The following ADGRF4 variants were observed in gnomAD, a reference collection of about 807,000 sequenced individuals.
The protein encoded by ADGRF4 is adhesion G protein-coupled receptor F4.
Under a neutral mutation model 58.5 loss-of-function variants are expected in ADGRF4, and 63 were observed. The observed-to-expected ratio is 1.08, with a 90% CI of 0.88 to 1.33. The LOEUF is 1.33. ADGRF4 is among the 40% of genes most tolerant of loss of function. The probability of loss-of-function intolerance (pLI) is 0.00; values close to 1 mark genes in which losing one functional copy is unlikely to be tolerated. For missense variants in ADGRF4, 931 were observed against 843.9 expected (o/e 1.10, Z -1.28); for synonymous variants, 313 against 295.4 (o/e 1.06, Z -0.61).
intron 9 of ADGRF4, among the ~76,000 whole-genome samples, chr6:47,720,091 T>C (rs887990154): frequency 1.3e-5 from 2 of 152,188 alleles, no homozygotes; most frequent in Non-Finnish European, 2.9e-5. Context: ...GCTGGCATCA[T>C]GGTAGACCAT....
intron 3 of ADGRF4, among the ~76,000 whole-genome samples, chr6:47,709,076 A>G (rs1771796266): frequency 6.6e-6 from 1 of 152,232 alleles, no homozygotes; most frequent in African/African-American, 2.4e-5. Context: ...AATTTTGCAA[A>G]CAAGGTTTGG....
At chr6:47,709,193 C>A (rs535006219) in intron 3 of ADGRF4, among the ~76,000 whole-genome samples, 2 of 151,770 alleles carry the variant, frequency 1.3e-5, no homozygotes, top group African/African-American at 4.9e-5. Flanking sequence ...TTTGAACACC[C>A]TAATAGCTCT....
intron 5 of ADGRF4, among the ~76,000 whole-genome samples, chr6:47,712,987 G>C (rs991074434): frequency 6.6e-6 from 1 of 152,192 alleles, no homozygotes; most frequent in Non-Finnish European, 1.5e-5. Context: ...GAGGTGAGCG[G>C]AGGGTGAGCG....
chr6:47,711,203 T>G (rs1266948680), intron 4 of ADGRF4, among the ~76,000 whole-genome samples: 1 of 152,186 alleles, frequency 6.6e-6, no homozygotes, highest in Non-Finnish European at 1.5e-5. Flanking sequence ...GGTGGGTTGG[T>G]ATGCCTCTTG....
chr6:47,718,509 T>G, intron 9 of ADGRF4, 64 bp downstream of exon 9: 1 of 907,740 alleles, frequency 1.1e-6, no homozygotes, highest in Non-Finnish European at 1.9e-6. Context: ...CAATGCCCCT[T>G]GTGACCACAC....
intron 9 of ADGRF4, among the ~76,000 whole-genome samples, chr6:47,720,278 A>G (rs556106910): frequency 1.5e-4 from 23 of 152,262 alleles, no homozygotes; most frequent in Non-Finnish European, 8.8e-5. Context: ...AAGCACCAGG[A>G]GAGGTGGTGG....
intron 1 of ADGRF4, among the ~76,000 whole-genome samples, chr6:47,702,978 G>T (rs1394110951): frequency 6.6e-6 from 1 of 152,114 alleles, no homozygotes; most frequent in Non-Finnish European, 1.5e-5. Flanking sequence ...TACTGACCAT[G>T]GTTTGCTTAT....
chr6:47,710,513 A>G (rs970129321), intron 3 of ADGRF4, among the ~76,000 whole-genome samples: 23 of 152,062 alleles, frequency 1.5e-4, no homozygotes, highest in Admixed American at 1.2e-3. Flanking sequence ...GCCTTTCTGA[A>G]TGATGTGAAA....
chr6:47,701,143 A>T (rs1771579734), intron 1 of ADGRF4, among the ~76,000 whole-genome samples: 1 of 151,928 alleles, frequency 6.6e-6, no homozygotes, highest in Admixed American at 6.6e-5. Flanking sequence ...TTTGCCTGTA[A>T]CTCTCTGAGG....
Position 47,716,808 on chromosome 6 carries a change from T to A in ADGRF4, c.1935T>A (p.Gly645=), listed in dbSNP as rs1206589277. The change falls in exon 7 of 10, where the codon GGT becomes GGA. Residue 645 remains glycine (G), a splice_region_variant and synonymous_variant. Transcript: ENST00000283303. ...IIFALLNAFQ[G]FFILLFGTIM... ...GAATCTGTTCAATTTTGCCACAGGG[T>A]TTTTTCATCCTGCTGTTTGGAACCA... 5 of 1,600,406 alleles carry A rather than the reference T, an allele frequency of 3.1e-6. No individual in the cohort carries two copies. The highest frequency in any genetic ancestry group is 1.7e-5 in the Admixed American group (1 of 57,436).
At position 47,717,243 on chromosome 6, in the gene ADGRF4, G is replaced by C; in HGVS notation, c.1975-49G>C. 4 of 1,346,698 alleles carry C rather than the reference G, an allele frequency of 3.0e-6. No individual in the cohort carries two copies. In the South Asian group the frequency reaches 4.7e-5, roughly 16 times the overall value. 83.4% of individuals were successfully genotyped at this position (1,346,698 alleles called of 1,614,324 possible). A position where few individuals can be genotyped will look rare whatever the true frequency, so the allele number is the denominator to read the frequency against. Reference sequence around the variant, plus strand: ...AAGTTTCAGGACAGGCAATTCTGTTGTTTCTTCCAACATCTGTGAGGTACT... The same window carrying C: ...AAGTTTCAGGACAGGCAATTCTGTTCTTTCTTCCAACATCTGTGAGGTACT... On this transcript the variant is annotated intron_variant, in intron 7 of 9. Coordinates refer to ENST00000283303, the MANE Select transcript of ADGRF4 (RefSeq NM_153838.5).
Position 47,708,229 on chromosome 6 carries a change from A to G in ADGRF4, c.99A>G (p.Gly33=), listed in dbSNP as rs754151158. ...HYRSKIHLKA[G]DKLQSPEGKP... is the part of the protein sequence containing the mutation. ...TGGGAATTTATATTTTTCAGGCTGGAGATAAACTTCAAAGCCCTGAAGGGA... is the reference window on the plus strand; with the variant it reads ...TGGGAATTTATATTTTTCAGGCTGGGGATAAACTTCAAAGCCCTGAAGGGA... The change falls in exon 3 of 10, where the codon GGA becomes GGG. Residue 33 remains glycine (G), a synonymous_variant. Coordinates refer to ENST00000283303, the MANE Select transcript of ADGRF4 (RefSeq NM_153838.5). 1.2e-6 allele frequency: 2 copies of G among 1,611,622 alleles called. No individual in the cohort carries two copies. Among genetic ancestry groups the G allele is most frequent in the Non-Finnish European group, 1.7e-6 (2 of 1,177,906 alleles).
intron 5 of ADGRF4, 136 bp downstream of exon 5, chr6:47,712,744 G>T: frequency 1.5e-6 from 1 of 651,172 alleles, no homozygotes; most frequent in Non-Finnish European, 2.6e-6. Context: ...CTTCGGTTTG[G>T]GATATTGATT....
At position 47,712,573 on chromosome 6, in the gene ADGRF4, G is replaced by C. The variant is rs1262332827; in HGVS notation, c.517G>C (p.Asp173His). The C allele has an allele frequency of 6.3e-7, 1 of 1,587,068 alleles. No individual in the cohort carries two copies. The highest frequency in any genetic ancestry group is 8.7e-7 in the Non-Finnish European group (1 of 1,155,424). The change falls in exon 5 of 10, where the codon GAC (aspartate) becomes CAC (histidine). Residue 173 changes from aspartate to histidine, a missense_variant. Transcript: ENST00000283303. Reference protein sequence around the residue: ...IVELLKNISTDLSDNVTREKM... With the variant: ...IVELLKNISTHLSDNVTREKM... ...GGAGTTATTAAAAAATATTTCTACAGACTTGTCTGATAATGTTACTCGAGA... is the reference window on the plus strand; with the variant it reads ...GGAGTTATTAAAAAATATTTCTACACACTTGTCTGATAATGTTACTCGAGA...
At chr6:47,706,400 T>C (rs1771710698) in intron 1 of ADGRF4, among the ~76,000 whole-genome samples, 1 of 152,230 alleles carries the variant, frequency 6.6e-6, no homozygotes, top group South Asian at 2.1e-4. Flanking sequence ...AGAGGGAGTC[T>C]CAGAGCTTGC....
Position 47,714,881 on chromosome 6 carries a change from C to T in ADGRF4, c.1636C>T (p.Pro546Ser), listed in dbSNP as rs767815339. ...ITEPEKGYMRPEACWLNWDNT... is the reference protein window; with the variant it reads ...ITEPEKGYMRSEACWLNWDNT... ...AGAGCCAGAGAAAGGCTACATGAGA[C>T]CTGAGGCCTGTTGGCTTAACTGGGA... Residue 546 changes from proline to serine, a missense_variant, in exon 6 of 10, where the codon CCT becomes TCT. Pro to Ser is a moderately conservative substitution (Grantham distance 74). Transcript: ENST00000283303. 2 of 1,610,094 alleles carry T rather than the reference C, an allele frequency of 1.2e-6. No homozygotes were observed. The highest frequency in any genetic ancestry group is 1.7e-5 in the Admixed American group (1 of 59,950).
Position 47,721,515 on chromosome 6 carries a change from C to T in ADGRF4, c.*310C>T, listed in dbSNP as rs1466556803. 6.6e-6 allele frequency: 1 copy of T among 152,180 alleles called. No individual in the cohort carries two copies. Among genetic ancestry groups the T allele is most frequent in the Non-Finnish European group, 1.5e-5 (1 of 68,066 alleles). 9.4% of individuals were successfully genotyped at this position (152,180 alleles called of 1,614,324 possible). ...GCAAGCCATTTTATGGTCTCCCTGG[C>T]CAGCTGGGGGCTGTAGGGCCCTGCT... On this transcript the variant is annotated 3_prime_UTR_variant, in exon 10 of 10. Coordinates refer to ENST00000283303, the MANE Select transcript of ADGRF4 (RefSeq NM_153838.5).
chr6:47,703,207 G>T (rs1326566946), intron 1 of ADGRF4, among the ~76,000 whole-genome samples: 3 of 151,912 alleles, frequency 2.0e-5, no homozygotes, highest in Non-Finnish European at 2.9e-5. Context: ...TTTATCAGTG[G>T]TAGATCTAAG....
Position 47,714,639 on chromosome 6 carries a change from T to A in ADGRF4, c.1394T>A (p.Ile465Asn). The A allele has an allele frequency of 6.2e-7, 1 of 1,614,180 alleles. No individual in the cohort carries two copies. Among genetic ancestry groups the A allele is most frequent in the Admixed American group, 1.7e-5 (1 of 60,024 alleles). Reference protein sequence around the residue: ...VWFIIGSHFNIKAQDYNMCVA... With the variant: ...VWFIIGSHFNNKAQDYNMCVA... ...TTTATCATAGGCTCTCACTTTAACA[T>A]TAAGGCCCAGGACTACAACATGTGT... Residue 465 changes from isoleucine to asparagine, a missense_variant, in exon 6 of 10, where the codon ATT becomes AAT. Coordinates refer to ENST00000283303, the MANE Select transcript of ADGRF4 (RefSeq NM_153838.5).
Sources: gnomAD v4.1 joint callset for allele counts (sites outside exome capture counted in the v4.1 genomes callset) on GRCh38, gnomAD v4.1.1 for gene constraint, MANE v1.5 for transcripts, NCBI Gene and HGNC (gene_info 2026-07-23, HGNC 2026-07-21) for gene names.